Variants in KLRG1 observed in about 807,000 individuals in gnomAD.
The protein encoded by KLRG1 is killer cell lectin like receptor G1.
Under a neutral mutation model 21.8 loss-of-function variants are expected in KLRG1, and 16 were observed. The observed-to-expected ratio is 0.73, with a 90% CI of 0.50 to 1.11. The LOEUF (loss-of-function observed/expected upper bound fraction) is 1.11. Among genes scored for constraint, KLRG1 ranks in the 50% most tolerant of loss-of-function variants. The pLI is 0.00. For synonymous variants in KLRG1, 69 were observed against 75.9 expected, an observed-to-expected ratio of 0.91 and a Z score of 0.47; for missense variants, 173 against 218.3, an observed-to-expected ratio of 0.79 and a Z score of 1.31.
At chr12:9,004,858 G>A (rs1294043254) in intron 3 of KLRG1, among the ~76,000 whole-genome samples, 1 of 151,964 alleles carries the variant, frequency 6.6e-6, no homozygotes, top group South Asian at 2.1e-4. Flanking sequence ...CTATTATAAT[G>A]TTTACATTTT....
At chr12:8,995,769 G>C (rs914866047) in intron 3 of KLRG1, among the ~76,000 whole-genome samples, 1 of 150,116 alleles carries the variant, frequency 6.7e-6, no homozygotes, top group Non-Finnish European at 1.5e-5. Flanking sequence ...TCCAACCTCC[G>C]CCTCCCAGGT....
At chr12:9,124,359 C>G in the KLRG1 span, among the ~76,000 whole-genome samples, 3 of 152,162 alleles carry the variant, frequency 2.0e-5, no homozygotes, top group Non-Finnish European at 4.4e-5. Flanking sequence ...AGGCTGCAGA[C>G]CGCGGCCTCC....
chr12:9,196,738 A>T, the KLRG1 span: 2 of 1,412,950 alleles, frequency 1.4e-6, no homozygotes, highest in Non-Finnish European at 2.0e-6. Context: ...ATCAATAGTC[A>T]CTGAATCTAC....
chr12:9,114,085 C>T, the KLRG1 span, among the ~76,000 whole-genome samples: 17 of 152,184 alleles, frequency 1.1e-4, no homozygotes, highest in African/African-American at 4.1e-4. Flanking sequence ...TTCACAGTCT[C>T]AGTTGTGGTA....
chr12:8,980,919 T>A (rs1391848945), intron 1 of KLRG1, among the ~76,000 whole-genome samples: 1 of 152,226 alleles, frequency 6.6e-6, no homozygotes, highest in Non-Finnish European at 1.5e-5. Flanking sequence ...AAGTCACAGC[T>A]GATGGTATTC....
In KLRG1 at chr12:9,010,319, G is replaced by T; in HGVS notation, c.*782G>T. The T allele has an allele frequency of 3.2e-6, 1 of 316,702 alleles. No homozygotes were observed. The highest frequency in any genetic ancestry group is 5.9e-5 in the East Asian group (1 of 16,864). The allele number at this position is 316,702 out of a possible 1,614,324, so 19.6% of individuals were successfully genotyped here. The stretch of plus-strand genomic sequence containing the variant: ...TCTTAACTGATTTTGTTTTTTTTCT[G>T]AGTATGCATATATGTGGTTGAATGA... On this transcript the variant is annotated 3_prime_UTR_variant, in exon 5 of 5. Transcript: ENST00000356986.
the KLRG1 span, among the ~76,000 whole-genome samples, chr12:9,056,235 C>T: frequency 6.6e-6 from 1 of 152,098 alleles, no homozygotes; most frequent in Non-Finnish European, 1.5e-5. Flanking sequence ...GACTGCAAAC[C>T]ATACTGAATC....
At chr12:9,175,314 A>G in the KLRG1 span, among the ~76,000 whole-genome samples, 1 of 152,224 alleles carries the variant, frequency 6.6e-6, no homozygotes, top group Non-Finnish European at 1.5e-5. Context: ...AATTAACTCA[A>G]GATGAATTAA....
At chr12:9,181,939 AT>A in the KLRG1 span, 1 of 1,603,724 alleles carries the variant, frequency 6.2e-7, no homozygotes. Flanking sequence ...AGTATCATTT[AT>A]TTGTGTTCTT....
chr12:9,169,944 A>G, the KLRG1 span: 1 of 162,944 alleles, frequency 6.1e-6, no homozygotes, highest in Non-Finnish European at 1.3e-5. Context: ...TTAGCTACAT[A>G]TTATTATTGC....
intron 1 of KLRG1, among the ~76,000 whole-genome samples, chr12:8,965,661 C>T (rs1946457296): frequency 6.6e-6 from 1 of 152,172 alleles, no homozygotes; most frequent in Non-Finnish European, 1.5e-5. Flanking sequence ...AGGAGAACTA[C>T]AAACCACTGC....
chr12:9,163,689 G>T, the KLRG1 span: 1 of 1,613,806 alleles, frequency 6.2e-7, no homozygotes, highest in South Asian at 1.1e-5. Context: ...GGGTTTTGAT[G>T]ACTGTGTCTT....
chr12:9,135,010 T>C, the KLRG1 span: 1 of 157,270 alleles, frequency 6.4e-6, no homozygotes, highest in Non-Finnish European at 1.4e-5. Flanking sequence ...GCTGCTCAGC[T>C]GCTGAGGCAG....
At chr12:9,017,878 C>T in the KLRG1 span, among the ~76,000 whole-genome samples, 1 of 152,024 alleles carries the variant, frequency 6.6e-6, no homozygotes, top group East Asian at 1.9e-4. Flanking sequence ...AAAGAGTTCA[C>T]AAAAAACTAT....
At chr12:9,152,294 G>C in the KLRG1 span, 1 of 1,613,010 alleles carries the variant, frequency 6.2e-7, no homozygotes, top group East Asian at 2.2e-5. Flanking sequence ...TTGGAAGCAG[G>C]ACGGTTTCCT....
the KLRG1 span, chr12:9,113,685 G>C: frequency 2.6e-6 from 2 of 761,324 alleles, no homozygotes; most frequent in Non-Finnish European, 4.2e-6. Flanking sequence ...TTTGGCCGTT[G>C]AAGGCCATGC....
chr12:9,021,042 G>A, the KLRG1 span, among the ~76,000 whole-genome samples: 2 of 152,156 alleles, frequency 1.3e-5, no homozygotes, highest in African/African-American at 4.8e-5. Context: ...AAGTATTTAT[G>A]TATTTAAACA....
the KLRG1 span, among the ~76,000 whole-genome samples, chr12:9,026,519 A>G: frequency 6.6e-6 from 1 of 152,064 alleles, no homozygotes; most frequent in Admixed American, 6.6e-5. Flanking sequence ...TATTATTACT[A>G]TTTTTGTGGG....
the KLRG1 span, chr12:9,157,352 G>A: frequency 6.2e-7 from 1 of 1,610,738 alleles, no homozygotes; most frequent in East Asian, 2.2e-5. Flanking sequence ...CGAACAATAG[G>A]GTTCTGTAAA....
Sources: gnomAD v4.1 joint callset for allele counts (sites outside exome capture counted in the v4.1 genomes callset) on GRCh38, gnomAD v4.1.1 for gene constraint, MANE v1.5 for transcripts, NCBI Gene and HGNC (gene_info 2026-07-23, HGNC 2026-07-21) for gene names.